The following TTC39C variants were observed in gnomAD, a reference collection of about 807,000 sequenced individuals.
TTC39C encodes the protein tetratricopeptide repeat protein 39C.
In TTC39C, 33 loss-of-function variants were observed where a neutral mutation model predicts 76.3. The ratio of observed to expected loss-of-function variants is 0.43; its 90% CI spans 0.33 to 0.58. The LOEUF is 0.58. TTC39C is among the 20% of genes least tolerant of loss of function. The pLI, the probability that TTC39C is intolerant of heterozygous loss-of-function variation, is 0.04. For missense variants in TTC39C, 595 were observed against 701.4 expected (o/e 0.85, Z 1.71); for synonymous variants, 254 against 260.6 (o/e 0.97, Z 0.24).
chr18:24,076,172 G>A (rs111679302), intron 4 of TTC39C, among the ~76,000 whole-genome samples: 3 of 152,118 alleles, frequency 2.0e-5, no homozygotes, highest in African/African-American at 7.2e-5. Context: ...TAGAGACAGG[G>A]TTTCACCATG....
intron 6 of TTC39C, among the ~76,000 whole-genome samples, chr18:24,092,207 A>C (rs1057448723): frequency 6.6e-6 from 1 of 152,034 alleles, no homozygotes; most frequent in Non-Finnish European, 1.5e-5. Flanking sequence ...GAAACAAATC[A>C]AAACCAAGTA....
At chr18:24,065,678 C>T (rs1035353445) in intron 2 of TTC39C, among the ~76,000 whole-genome samples, 6 of 152,124 alleles carry the variant, frequency 3.9e-5, no homozygotes, top group Non-Finnish European at 7.3e-5. Context: ...CTGCATCAGA[C>T]GCCACTGTAA....
At chr18:24,113,482 G>A (rs986931731) in intron 6 of TTC39C, 16 of 667,564 alleles carry the variant, frequency 2.4e-5, no homozygotes, top group African/African-American at 1.1e-4. Context: ...GAGCATTGGA[G>A]GGGGAGGAAG....
In TTC39C at chr18:24,133,921, ATTTC is replaced by A. The variant is rs1161895090; in HGVS notation, c.*1351_*1354del. Reference sequence around the variant, plus strand: ...CATGATCTCATATTAATATTTTAATATTTCTTTTCAAAATAAAACAGAAAAGCAA... The same window carrying A: ...CATGATCTCATATTAATATTTTAATATTTTCAAAATAAAACAGAAAAGCAA... On this transcript the variant is annotated 3_prime_UTR_variant, in exon 14 of 14. Transcript: ENST00000317571. The A allele has an allele frequency of 6.6e-6, 1 of 152,322 alleles. No homozygotes were observed. Among genetic ancestry groups the A allele is most frequent in the Non-Finnish European group, 1.5e-5 (1 of 68,056 alleles). 9.4% of individuals were successfully genotyped at this position (152,322 alleles called of 1,614,324 possible). A position where few individuals can be genotyped will look rare whatever the true frequency, so the allele number is the denominator to read the frequency against.
intron 1 of TTC39C, among the ~76,000 whole-genome samples, chr18:24,041,048 A>C (rs1191290840): frequency 6.6e-6 from 1 of 152,196 alleles, no homozygotes; most frequent in African/African-American, 2.4e-5. Flanking sequence ...TCAGGGAAAA[A>C]AGTAGGGGAT....
intron 1 of TTC39C, among the ~76,000 whole-genome samples, chr18:24,026,393 A>G (rs1237139328): frequency 2.0e-5 from 3 of 152,202 alleles, no homozygotes; most frequent in Admixed American, 1.3e-4. Flanking sequence ...TCAAAGTTCC[A>G]TGGTCTTTAG....
chr18:24,095,818 T>C (rs2084581743), intron 6 of TTC39C, among the ~76,000 whole-genome samples: 1 of 152,236 alleles, frequency 6.6e-6, no homozygotes, highest in South Asian at 2.1e-4. Flanking sequence ...TTAAGCTTAA[T>C]CATTTTTAGC....
At chr18:24,081,650 T>C (rs1456235327) in intron 5 of TTC39C, among the ~76,000 whole-genome samples, 1 of 152,220 alleles carries the variant, frequency 6.6e-6, no homozygotes, top group African/African-American at 2.4e-5. Context: ...AAAATGTTGA[T>C]ATCATAGAGG....
At chr18:24,022,057 T>C (rs2083523403) in intron 1 of TTC39C, among the ~76,000 whole-genome samples, 1 of 152,204 alleles carries the variant, frequency 6.6e-6, no homozygotes, top group Non-Finnish European at 1.5e-5. Context: ...TTTTTTTTCT[T>C]GTGTACGTCA....
At chr18:24,118,899 T>A (rs2084930803) in intron 8 of TTC39C, among the ~76,000 whole-genome samples, 1 of 152,128 alleles carries the variant, frequency 6.6e-6, no homozygotes. Context: ...CAAGTGATCC[T>A]CCTGCCTCAG....
chr18:24,028,977 C>T (rs543256081), intron 1 of TTC39C, among the ~76,000 whole-genome samples: 1 of 152,178 alleles, frequency 6.6e-6, no homozygotes, highest in Non-Finnish European at 1.5e-5. Flanking sequence ...CCCATCTCAG[C>T]CTCCCAAAGT....
chr18:24,042,867 G>T (rs1200857384), intron 1 of TTC39C, among the ~76,000 whole-genome samples: 1 of 152,100 alleles, frequency 6.6e-6, no homozygotes, highest in Non-Finnish European at 1.5e-5. Context: ...TTTTCAATTA[G>T]CTAGTCCTTT....
At chr18:24,017,296 A>G (rs2083464842) in intron 1 of TTC39C, among the ~76,000 whole-genome samples, 1 of 152,222 alleles carries the variant, frequency 6.6e-6, no homozygotes. Context: ...CATGGACCAG[A>G]GTCCTGCAAC....
In TTC39C at chr18:24,058,647, CA is replaced by C. The variant is rs960554443; in HGVS notation, c.168-5483del. Among the ~76,000 whole-genome samples the C allele has an allele frequency of 7.5e-4, 109 of 145,586 alleles. 2 individuals are homozygous for C. Among genetic ancestry groups the C allele is most frequent in the African/African-American group, 2.4e-3 (97 of 39,704 alleles). The stretch of plus-strand genomic sequence containing the variant: ...TGGGTGTCAGAGTGAGACTCTGTCT[CA>C]AAAAAAAAATCATTAGAATAAATAA... On this transcript the variant is annotated intron_variant, in intron 1 of 13. Coordinates refer to ENST00000317571, the MANE Select transcript of TTC39C (RefSeq NM_001135993.2).
chr18:24,132,004 T>C, intron 13 of TTC39C, 84 bp downstream of exon 13: 1 of 1,307,622 alleles, frequency 7.6e-7, no homozygotes, highest in South Asian at 1.4e-5. Context: ...AGAAAGTTTG[T>C]GCAATGATGT....
chr18:24,007,592 C>T (rs1235842331), intron 1 of TTC39C, among the ~76,000 whole-genome samples: 2 of 152,164 alleles, frequency 1.3e-5, no homozygotes, highest in Non-Finnish European at 2.9e-5. Context: ...CCATGTTTGC[C>T]AGGCTGGTCT....
chr18:24,061,885 C>T (rs2084106316), intron 1 of TTC39C, among the ~76,000 whole-genome samples: 1 of 152,162 alleles, frequency 6.6e-6, no homozygotes, highest in Non-Finnish European at 1.5e-5. Context: ...GCCTGGGTGA[C>T]AGAGTGAGAC....
At chr18:24,069,538 A>C (rs1160361971) in intron 4 of TTC39C, among the ~76,000 whole-genome samples, 1 of 152,128 alleles carries the variant, frequency 6.6e-6, no homozygotes, top group Non-Finnish European at 1.5e-5. Flanking sequence ...TCTTATATGT[A>C]TGTAGATGTA....
chr18:24,016,054 A>T (rs559929263), intron 1 of TTC39C, among the ~76,000 whole-genome samples: 2 of 152,328 alleles, frequency 1.3e-5, no homozygotes, highest in South Asian at 4.1e-4. Flanking sequence ...TGACCGGGAG[A>T]CAGAGTCTGT....
Sources: gnomAD v4.1 joint callset for allele counts (sites outside exome capture counted in the v4.1 genomes callset) on GRCh38, gnomAD v4.1.1 for gene constraint, MANE v1.5 for transcripts, NCBI Gene and HGNC (gene_info 2026-07-23, HGNC 2026-07-21) for gene names.